UBAP2: variants seen among roughly 807,000 people sequenced by gnomAD.
The protein encoded by UBAP2 is ubiquitin associated protein 2.
UBAP2 carries 75 observed loss-of-function variants against 139.6 expected under a neutral mutation model. The ratio of observed to expected loss-of-function variants is 0.54; its 90% CI spans 0.45 to 0.65. The LOEUF (loss-of-function observed/expected upper bound fraction) is 0.65, where lower values mean the gene tolerates loss of function less well. Among genes scored for constraint, UBAP2 ranks in the 30% least tolerant of loss-of-function variants. The pLI is 0.00. For synonymous variants in UBAP2, 526 were observed against 526.2 expected (o/e 1.00, Z 0.01); for missense variants, 1,368 against 1,369.6 (o/e 1.00, Z 0.02).
chr9:34,033,005 A>T (rs1394570633), intron 1 of UBAP2, among the ~76,000 whole-genome samples: 1 of 152,182 alleles, frequency 6.6e-6, no homozygotes, highest in Non-Finnish European at 1.5e-5. Flanking sequence ...CAAGAACAGA[A>T]AAACCATGAC....
chr9:33,960,987 C>A, intron 9 of UBAP2, 109 bp from the exon 10 acceptor site: 1 of 974,236 alleles, frequency 1.0e-6, no homozygotes, highest in South Asian at 1.4e-5. Context: ...ACATACGCCT[C>A]ACTAGCAATT....
chr9:33,994,500 T>G (rs1453424856), intron 4 of UBAP2: 1 of 151,744 alleles, frequency 6.6e-6, no homozygotes, highest in Non-Finnish European at 1.5e-5. Context: ...AAGAGGGCGG[T>G]TAGGCTCTTC....
intron 12 of UBAP2, among the ~76,000 whole-genome samples, chr9:33,949,448 A>T (rs1009080556): frequency 4.6e-5 from 7 of 152,214 alleles, no homozygotes; most frequent in Non-Finnish European, 1.0e-4. Context: ...CACACCTGTA[A>T]CCCCAGCACT....
chr9:33,946,131 T>C (rs1159697381), intron 13 of UBAP2, among the ~76,000 whole-genome samples: 1 of 152,242 alleles, frequency 6.6e-6, no homozygotes, highest in African/African-American at 2.4e-5. Flanking sequence ...ATGTGCTAAG[T>C]ATCATTTCAT....
chr9:33,967,583 C>T (rs940943770), intron 8 of UBAP2, among the ~76,000 whole-genome samples: 6 of 152,082 alleles, frequency 3.9e-5, no homozygotes, highest in Non-Finnish European at 7.4e-5. Flanking sequence ...GTCATACATA[C>T]GTATCTGAAA....
chr9:33,973,314 C>T (rs1828051380), intron 6 of UBAP2, 77 bp from the exon 7 acceptor site: 17 of 1,455,376 alleles, frequency 1.2e-5, no homozygotes, highest in East Asian at 2.3e-5. Flanking sequence ...TCATCCTATA[C>T]TCACTACCCA....
At chr9:33,964,186 A>G (rs908890211) in intron 8 of UBAP2, among the ~76,000 whole-genome samples, 2 of 152,158 alleles carry the variant, frequency 1.3e-5, no homozygotes, top group African/African-American at 2.4e-5. Context: ...TGTGGTTATT[A>G]TACTGTCAAC....
Position 34,017,045 on chromosome 9 carries a change from C to T in UBAP2, c.99+5G>A. ...AAAAAAAAAAAGAGTTCCACAAAAA[C>T]TTACCTGTACCACTTGTTTCTGTGG... is the stretch of plus-strand genomic sequence containing the variant. On this transcript the variant is annotated splice_donor_5th_base_variant and intron_variant, in intron 2 of 28. Coordinates refer to ENST00000379238, the MANE Select transcript of UBAP2 (RefSeq NM_001370062.2). 6.5e-7 allele frequency: 1 copy of T among 1,530,530 alleles called. No homozygotes were observed. Among genetic ancestry groups the T allele is most frequent in the Non-Finnish European group, 8.8e-7 (1 of 1,135,634 alleles). The allele number at this position is 1,530,530 out of a possible 1,614,324, so 94.8% of individuals were successfully genotyped here. A position where few individuals can be genotyped will look rare whatever the true frequency, so the allele number is the denominator to read the frequency against.
At chr9:33,968,163 G>T in intron 8 of UBAP2, 1 of 596,536 alleles carries the variant, frequency 1.7e-6, no homozygotes, top group South Asian at 1.4e-5. Flanking sequence ...ATGAATAGAA[G>T]AAGAAATCTA....
At chr9:33,966,253 A>G (rs529713971) in intron 8 of UBAP2, among the ~76,000 whole-genome samples, 1 of 150,652 alleles carries the variant, frequency 6.6e-6, no homozygotes, top group East Asian at 1.9e-4. Context: ...TTCAATACTT[A>G]CCTGCCCAAC....
intron 12 of UBAP2, among the ~76,000 whole-genome samples, chr9:33,949,800 T>A (rs1443386912): frequency 6.6e-6 from 1 of 152,224 alleles, no homozygotes; most frequent in African/African-American, 2.4e-5. Flanking sequence ...AATGAGACAC[T>A]GCGATACATA....
intron 1 of UBAP2, among the ~76,000 whole-genome samples, chr9:34,024,889 C>CA (rs1321252742): frequency 6.6e-6 from 1 of 151,738 alleles, no homozygotes; most frequent in Non-Finnish European, 1.5e-5. Context: ...GAGGCTAAGG[C>CA]AGGAGAATCA....
At chr9:34,046,734 T>A (rs1827635085) in intron 1 of UBAP2, among the ~76,000 whole-genome samples, 2 of 151,726 alleles carry the variant, frequency 1.3e-5, no homozygotes, top group African/African-American at 4.8e-5. Flanking sequence ...TACACATATT[T>A]TATACTTAAG....
At chr9:33,958,131 T>G (rs1826721670) in intron 10 of UBAP2, among the ~76,000 whole-genome samples, 1 of 152,166 alleles carries the variant, frequency 6.6e-6, no homozygotes, top group Non-Finnish European at 1.5e-5. Context: ...ACAGCTATTT[T>G]AAAAATTTTT....
intron 3 of UBAP2, 172 bp from the exon 4 acceptor site, chr9:33,996,505 T>C (rs963144929): frequency 1.8e-6 from 1 of 560,812 alleles, no homozygotes; most frequent in African/African-American, 1.9e-5. Context: ...GGCCATTCCA[T>C]GCATGTCTTT....
chr9:34,005,550 C>T (rs922359214), intron 2 of UBAP2, among the ~76,000 whole-genome samples: 4 of 151,306 alleles, frequency 2.6e-5, no homozygotes, highest in Non-Finnish European at 5.9e-5. Flanking sequence ...AGTCCTATCA[C>T]ATATGAAAAT....
intron 10 of UBAP2, among the ~76,000 whole-genome samples, chr9:33,960,128 G>A (rs1826923549): frequency 6.6e-6 from 1 of 151,446 alleles, no homozygotes. Flanking sequence ...TGTAGAGACA[G>A]GGGTCTCACT....
intron 1 of UBAP2, among the ~76,000 whole-genome samples, chr9:34,030,002 A>G (rs1354679977): frequency 1.4e-5 from 2 of 140,442 alleles, no homozygotes; most frequent in African/African-American, 2.7e-5. Flanking sequence ...AAAAAAAAAG[A>G]AAGAAATACA....
At chr9:34,026,046 T>A (rs901182081) in intron 1 of UBAP2, among the ~76,000 whole-genome samples, 3 of 152,172 alleles carry the variant, frequency 2.0e-5, no homozygotes, top group Non-Finnish European at 4.4e-5. Context: ...CTTTAAGGCA[T>A]ACAAAAAACA....
Sources: allele counts gnomAD v4.1 joint callset (sites outside exome capture counted in the v4.1 genomes callset), GRCh38; gene constraint gnomAD v4.1.1; transcripts MANE v1.5; gene names NCBI Gene and HGNC (gene_info 2026-07-23, HGNC 2026-07-21).